The following LRRTM3 variants were observed in gnomAD, a reference collection of about 807,000 sequenced individuals.
The protein encoded by LRRTM3 is leucine-rich repeat transmembrane neuronal protein 3.
In LRRTM3, 24 loss-of-function variants were observed where a neutral mutation model predicts 44.7. The ratio of observed to expected loss-of-function variants is 0.54; its 90% confidence interval spans 0.39 to 0.76. The LOEUF is 0.76. LRRTM3 is among the 30% of genes least tolerant of loss of function. The probability of loss-of-function intolerance (pLI) is 0.00; values close to 1 mark genes in which losing one functional copy is unlikely to be tolerated. For missense variants in LRRTM3, 587 were observed against 702.2 expected, an observed-to-expected ratio of 0.84 and a Z score of 1.85; for synonymous variants, 277 against 278.7, an observed-to-expected ratio of 0.99 and a Z score of 0.06.
intron 2 of LRRTM3, among the ~76,000 whole-genome samples, chr10:67,096,196 A>G (rs1418714929): frequency 6.6e-6 from 1 of 151,826 alleles, no homozygotes; most frequent in Admixed American, 6.6e-5. Context: ...AGAAGTGATT[A>G]GTTTTATTTT....
intron 2 of LRRTM3, among the ~76,000 whole-genome samples, chr10:67,008,582 C>T (rs1251095898): frequency 6.6e-6 from 1 of 152,130 alleles, no homozygotes; most frequent in Admixed American, 6.5e-5. Context: ...GCTGGCCTGG[C>T]TCATCTCTGA....
chr10:67,017,752 TGC>T (rs1491269527), intron 2 of LRRTM3, among the ~76,000 whole-genome samples: 47 of 145,924 alleles, frequency 3.2e-4, no homozygotes, highest in East Asian at 1.4e-3. Flanking sequence ...TGTGTGTGTG[TGC>T]GCGCGTACAA....
intron 2 of LRRTM3, among the ~76,000 whole-genome samples, chr10:67,080,936 C>CA (rs58476986): frequency 0.037 from 1,148 of 31,358 alleles, 5 homozygotes; most frequent in African/African-American, 0.12. Context: ...AAAAAAACAA[C>CA]AAAAAAAAAA....
At position 66,965,222 on chromosome 10, in the gene LRRTM3, T is replaced by G. The variant is rs549916107; in HGVS notation, c.1536+36770T>G. On this transcript the variant is annotated intron_variant, in intron 2 of 2. Coordinates refer to ENST00000361320, the MANE Select transcript of LRRTM3 (RefSeq NM_178011.5). ...TCCAGGTTGTGTTTAAAAAGCTGGG[T>G]TTTTTTGGGGTTTTTTTGTTTGTTT... 4.0e-5 allele frequency among the ~76,000 whole-genome samples: 6 copies of G among 151,174 alleles called. No individual in the cohort carries two copies. The South Asian group carries it at 1.0e-3, about 26-fold the overall frequency.
chr10:67,016,071 T>C (rs1852640226), intron 2 of LRRTM3, among the ~76,000 whole-genome samples: 1 of 152,228 alleles, frequency 6.6e-6, no homozygotes, highest in Admixed American at 6.5e-5. Flanking sequence ...AACCCTATTT[T>C]TAGAATACGT....
rs572809390 is a variant in LRRTM3 at position 67,101,172 on chromosome 10, A to G, written c.*3376A>G. On this transcript the variant is annotated 3_prime_UTR_variant, in exon 3 of 3. Coordinates refer to ENST00000361320, the MANE Select transcript of LRRTM3 (RefSeq NM_178011.5). ...ACAGATGCTCCCAAGATGTGGATGC[A>G]TGTAGGCCCCGAGGTACAGACATAA... 6.6e-6 allele frequency among the ~76,000 whole-genome samples: 1 copy of G among 151,824 alleles called. No homozygotes were observed. The highest frequency in any genetic ancestry group is 2.4e-5 in the African/African-American group (1 of 41,514).
intron 2 of LRRTM3, among the ~76,000 whole-genome samples, chr10:67,064,890 C>T (rs987228842): frequency 1.3e-5 from 2 of 152,122 alleles, no homozygotes; most frequent in African/African-American, 4.8e-5. Context: ...TACCTTTAAG[C>T]TAGTTCTGAG....
At chr10:67,040,120 A>G (rs1854301259) in intron 2 of LRRTM3, among the ~76,000 whole-genome samples, 1 of 152,082 alleles carries the variant, frequency 6.6e-6, no homozygotes, top group Non-Finnish European at 1.5e-5. Context: ...CTATGACAAC[A>G]TCATTCAGCC....
chr10:67,076,444 T>C (rs1262132951), intron 2 of LRRTM3, among the ~76,000 whole-genome samples: 7 of 152,170 alleles, frequency 4.6e-5, no homozygotes, highest in African/African-American at 1.4e-4. Flanking sequence ...CAGAGACAAA[T>C]GTAGGAAGAC....
chr10:66,927,897 G>A lies in LRRTM3; in HGVS notation c.981G>A (p.Leu327=), dbSNP rs1221434041. ...SRNICSLVNW[L]KSFKGLRENT... ...ATATTTGCTCCCTTGTAAACTGGCT[G>A]AAAAGTTTTAAAGGTCTAAGGGAGA... The change falls in exon 2 of 3, where the codon CTG becomes CTA. Residue 327 remains leucine (L), a synonymous_variant. Coordinates refer to ENST00000361320, the MANE Select transcript of LRRTM3 (RefSeq NM_178011.5). This position sits in a 1 kb window ranked among gnomAD's most constrained non-coding sequence, Gnocchi z 4.7. 1 of 1,614,246 alleles carries A rather than the reference G, an allele frequency of 6.2e-7. No individual in the cohort carries two copies. Among genetic ancestry groups the A allele is most frequent in the South Asian group, 1.1e-5 (1 of 91,084 alleles).
rs570362565 is a variant in LRRTM3 at position 66,944,217 on chromosome 10, T to C, written c.1536+15765T>C. On this transcript the variant is annotated intron_variant, in intron 2 of 2. Transcript: ENST00000361320. ...CAAATAAGTTTATAAGTTTATGAAA[T>C]ATTCTAAATCATTTGTTATTATTTC... Among the ~76,000 whole-genome samples the C allele has an allele frequency of 3.3e-4, 51 of 152,336 alleles. 1 individual carries two copies. Among genetic ancestry groups the C allele is most frequent in the African/African-American group, 1.2e-3 (50 of 41,582 alleles).
At chr10:66,985,799 G>A (rs969879768) in intron 2 of LRRTM3, among the ~76,000 whole-genome samples, 1 of 151,998 alleles carries the variant, frequency 6.6e-6, no homozygotes, top group African/African-American at 2.4e-5. Flanking sequence ...ATGATCTCAG[G>A]TCACTGCAAT....
At chr10:67,002,325 A>T (rs1925612) in intron 2 of LRRTM3, among the ~76,000 whole-genome samples, 12,596 of 152,196 alleles carry the variant, frequency 0.083, 755 homozygotes, top group South Asian at 0.27. Context: ...ATAACTACTA[A>T]TTCTCAGAGC....
intron 2 of LRRTM3, among the ~76,000 whole-genome samples, chr10:66,963,845 A>T (rs1389983016): frequency 1.4e-5 from 2 of 143,954 alleles, no homozygotes; most frequent in African/African-American, 2.6e-5. Context: ...ATAGACATCA[A>T]TTTTTTTTTT....
At chr10:67,078,102 A>G (rs1231192274) in intron 2 of LRRTM3, among the ~76,000 whole-genome samples, 1 of 152,214 alleles carries the variant, frequency 6.6e-6, no homozygotes, top group Non-Finnish European at 1.5e-5. Context: ...AACTTCAGTC[A>G]GCTTAACAGC....
intron 2 of LRRTM3, among the ~76,000 whole-genome samples, chr10:67,080,779 G>T (rs1857008433): frequency 6.6e-6 from 1 of 151,868 alleles, no homozygotes; most frequent in African/African-American, 2.4e-5. Flanking sequence ...CGTGGTGGCG[G>T]GCGCCTGTGG....
chr10:67,091,502 A>C (rs970623883), intron 2 of LRRTM3, among the ~76,000 whole-genome samples: 3 of 152,068 alleles, frequency 2.0e-5, no homozygotes, highest in African/African-American at 7.2e-5. Flanking sequence ...CAAAAAAAGG[A>C]AAACAAAAGA....
chr10:66,978,273 C>A (rs536866230), intron 2 of LRRTM3, among the ~76,000 whole-genome samples: 220 of 151,914 alleles, frequency 1.4e-3, no homozygotes, highest in Non-Finnish European at 2.4e-3. Context: ...CACCTGTAAT[C>A]CCAGCATTTT....
chr10:67,072,942 T>C (rs1000580851), intron 2 of LRRTM3, among the ~76,000 whole-genome samples: 7 of 151,434 alleles, frequency 4.6e-5, no homozygotes, highest in Non-Finnish European at 7.4e-5. Flanking sequence ...TGGAGAAAGA[T>C]GTGTGTTTTA....
Sources: allele counts gnomAD v4.1 joint callset (sites outside exome capture counted in the v4.1 genomes callset), GRCh38; gene constraint gnomAD v4.1.1; non-coding constraint Gnocchi (gnomAD v3.1); transcripts MANE v1.5; gene names NCBI Gene and HGNC (gene_info 2026-07-23, HGNC 2026-07-21).